Variants in GPAT3 observed in about 807,000 individuals in gnomAD.
The protein encoded by GPAT3 is glycerol-3-phosphate acyltransferase 3.
Under a neutral mutation model 58.8 loss-of-function variants are expected in GPAT3, and 53 were observed. The observed-to-expected ratio is 0.90, with a 90% CI of 0.72 to 1.13. The LOEUF (loss-of-function observed/expected upper bound fraction) is 1.13. GPAT3 is among the 50% of genes most tolerant of loss of function. GPAT3 has a pLI of 0.00. For synonymous variants in GPAT3, 197 were observed against 187.4 expected (o/e 1.05, Z -0.42); for missense variants, 511 against 527.6 (o/e 0.97, Z 0.31).
At chr4:83,559,347 A>G (rs28593590) in intron 2 of GPAT3, among the ~76,000 whole-genome samples, 8,981 of 151,864 alleles carry the variant, frequency 0.059, 895 homozygotes, top group African/African-American at 0.2. Context: ...TTTTGGAGTT[A>G]GAGTCTTGCT....
At chr4:83,598,848 A>G in intron 11 of GPAT3, 125 bp downstream of exon 11, 1 of 662,816 alleles carries the variant, frequency 1.5e-6, no homozygotes, top group Non-Finnish European at 2.4e-6. Context: ...AGTTCACTGT[A>G]GCCTGATCAT....
At chr4:83,547,410 G>C (rs530731560) in intron 2 of GPAT3, among the ~76,000 whole-genome samples, 1 of 151,336 alleles carries the variant, frequency 6.6e-6, no homozygotes, top group Non-Finnish European at 1.5e-5. Flanking sequence ...CCGCCACCAC[G>C]CCCAGCTAAT....
intron 9 of GPAT3, 135 bp from the exon 10 acceptor site, chr4:83,597,916 A>T: frequency 9.8e-7 from 1 of 1,020,448 alleles, no homozygotes; most frequent in Middle Eastern, 3.3e-4. Context: ...TTTTTTTGAT[A>T]AATTCCATCA....
chr4:83,549,039 T>C (rs1019735409), intron 2 of GPAT3, among the ~76,000 whole-genome samples: 4 of 151,868 alleles, frequency 2.6e-5, no homozygotes, highest in Non-Finnish European at 5.9e-5. Flanking sequence ...TCATATTTTG[T>C]GACAGAAGTT....
At chr4:83,601,405 A>G (rs754038262) in intron 11 of GPAT3, among the ~76,000 whole-genome samples, 2 of 152,230 alleles carry the variant, frequency 1.3e-5, no homozygotes, top group Non-Finnish European at 2.9e-5. Context: ...TCTGATATCC[A>G]TTATGCAAAT....
chr4:83,559,488 T>C (rs1462213598), intron 2 of GPAT3, among the ~76,000 whole-genome samples: 2 of 152,140 alleles, frequency 1.3e-5, no homozygotes, highest in African/African-American at 4.8e-5. Context: ...CACGCCTGGC[T>C]AATTTTTTGT....
At chr4:83,545,444 TA>T (rs200359970) in intron 2 of GPAT3, among the ~76,000 whole-genome samples, 194 of 145,758 alleles carry the variant, frequency 1.3e-3, no homozygotes, top group East Asian at 2.0e-3. Context: ...AGACCTCATT[TA>T]AAAAAAAAAA....
At position 83,588,293 on chromosome 4, in the gene GPAT3, A is replaced by C; in HGVS notation, c.638A>C (p.His213Pro). ...VRALSGTIHYHNKQYRPQKGG... is the reference protein window; with the variant it reads ...VRALSGTIHYPNKQYRPQKGG... ...GCCCTCTCTGGTACCATTCATTATCATAACAAGTGAGTATCTGCTCCAATG... is the reference window on the plus strand; with the variant it reads ...GCCCTCTCTGGTACCATTCATTATCCTAACAAGTGAGTATCTGCTCCAATG... The change falls in exon 5 of 12, where the codon CAT becomes CCT. Residue 213 changes from histidine (H) to proline (P), a missense_variant. Physicochemically the swap from His to Pro is moderately conservative, Grantham distance 77. Transcript: ENST00000264409. The C allele has an allele frequency of 6.4e-7, 1 of 1,574,050 alleles. No homozygotes were observed. Among genetic ancestry groups the C allele is most frequent in the Non-Finnish European group, 8.6e-7 (1 of 1,167,158 alleles).
At chr4:83,553,894 A>G (rs1463409614) in intron 2 of GPAT3, among the ~76,000 whole-genome samples, 1 of 151,948 alleles carries the variant, frequency 6.6e-6, no homozygotes, top group Non-Finnish European at 1.5e-5. Context: ...AAATAAATAA[A>G]TAAAATAAAA....
intron 3 of GPAT3, 47 bp downstream of exon 3, chr4:83,581,879 C>G: frequency 6.4e-7 from 1 of 1,562,178 alleles, no homozygotes; most frequent in African/African-American, 1.4e-5. Flanking sequence ...ACTCAGCTTT[C>G]TTTTTGAATC....
chr4:83,541,792 C>A (rs7672834), intron 1 of GPAT3, among the ~76,000 whole-genome samples: 1 of 152,014 alleles, frequency 6.6e-6, no homozygotes, highest in African/African-American at 2.4e-5. Context: ...TAGATGTCAG[C>A]AGGTTTAGCC....
Position 83,604,831 on chromosome 4 carries a change from T to G in GPAT3, c.*64T>G. The stretch of plus-strand genomic sequence containing the variant: ...TAGAAATGGAATGGCTTTTTTTGTT[T>G]TGTTTTGTTTTATTGTTTTGTTTTT... On this transcript the variant is annotated 3_prime_UTR_variant, in exon 12 of 12. Coordinates refer to ENST00000264409, the MANE Select transcript of GPAT3 (RefSeq NM_032717.5). 1 of 1,268,372 alleles carries G rather than the reference T, an allele frequency of 7.9e-7. No homozygotes were observed. The highest frequency in any genetic ancestry group is 1.1e-6 in the Non-Finnish European group (1 of 895,626). The allele number at this position is 1,268,372 out of a possible 1,614,324, so 78.6% of individuals were successfully genotyped here. A position where few individuals can be genotyped will look rare whatever the true frequency, so the allele number is the denominator to read the frequency against.
At chr4:83,561,429 T>C (rs1337335125) in intron 2 of GPAT3, among the ~76,000 whole-genome samples, 1 of 152,156 alleles carries the variant, frequency 6.6e-6, no homozygotes, top group East Asian at 1.9e-4. Flanking sequence ...TATCTGTCAG[T>C]GTATCATTCA....
Position 83,596,871 on chromosome 4 carries a change from A to G in GPAT3, c.868A>G (p.Ile290Val). 1.9e-6 allele frequency: 3 copies of G among 1,604,036 alleles called. No individual in the cohort carries two copies. The highest frequency in any genetic ancestry group is 2.5e-6 in the Non-Finnish European group (3 of 1,177,466). ...HLVTKRLKEHIADKKKLPILI... is the reference protein window; with the variant it reads ...HLVTKRLKEHVADKKKLPILI... ...TTTTTTCCATAGACTAAAAGAACAT[A>G]TTGCTGATAAGAAGAAACTACCCAT... Residue 290 changes from isoleucine (I) to valine (V), a missense_variant, in exon 8 of 12, where the codon ATT becomes GTT. Ile to Val is a conservative substitution (Grantham distance 29). Transcript: ENST00000264409.
intron 2 of GPAT3, among the ~76,000 whole-genome samples, chr4:83,553,638 C>G (rs989993959): frequency 1.3e-5 from 2 of 152,070 alleles, no homozygotes; most frequent in African/African-American, 4.8e-5. Flanking sequence ...GTGGCTCATG[C>G]CTGTAATCCC....
intron 2 of GPAT3, among the ~76,000 whole-genome samples, chr4:83,555,970 G>GT (rs1560607578): frequency 6.6e-6 from 1 of 152,194 alleles, no homozygotes; most frequent in African/African-American, 2.4e-5. Flanking sequence ...AAGTCAGTTT[G>GT]TTTTTTTCTT....
intron 2 of GPAT3, among the ~76,000 whole-genome samples, chr4:83,550,299 C>A (rs1210255964): frequency 6.6e-6 from 1 of 152,142 alleles, no homozygotes; most frequent in Non-Finnish European, 1.5e-5. Context: ...TCCCAAAGTG[C>A]TGGGATTACA....
intron 3 of GPAT3, among the ~76,000 whole-genome samples, chr4:83,584,931 C>T (rs1046064950): frequency 2.0e-5 from 3 of 152,190 alleles, no homozygotes; most frequent in Admixed American, 1.3e-4. Flanking sequence ...CTCACTTAAA[C>T]TGGGATACAT....
chr4:83,552,517 A>G (rs1213621981), intron 2 of GPAT3, among the ~76,000 whole-genome samples: 1 of 152,190 alleles, frequency 6.6e-6, no homozygotes, highest in Non-Finnish European at 1.5e-5. Flanking sequence ...TTGATTTGGG[A>G]AGAATGGAAT....
Sources: gnomAD v4.1 joint callset for allele counts (sites outside exome capture counted in the v4.1 genomes callset) on GRCh38, gnomAD v4.1.1 for gene constraint, MANE v1.5 for transcripts, NCBI Gene and HGNC (gene_info 2026-07-23, HGNC 2026-07-21) for gene names.